FBXO3: variants seen among roughly 807,000 people sequenced by gnomAD.
FBXO3 encodes F-box protein 3.
In FBXO3, 17 loss-of-function variants were observed where a neutral mutation model predicts 64.8. The ratio of observed to expected loss-of-function variants is 0.26; its 90% CI spans 0.18 to 0.39. The LOEUF is 0.39. FBXO3 is among the 10% of genes least tolerant of loss of function. The probability of loss-of-function intolerance (pLI) is 1.00; values close to 1 mark genes in which losing one functional copy is unlikely to be tolerated. For synonymous variants in FBXO3, 182 were observed against 201.6 expected, an observed-to-expected ratio of 0.90 and a Z score of 0.82; for missense variants, 420 against 589.9, an observed-to-expected ratio of 0.71 and a Z score of 2.98.
intron 6 of FBXO3, 53 bp downstream of exon 6, chr11:33,754,402 T>A (rs1855038220): frequency 6.9e-7 from 1 of 1,454,258 alleles, no homozygotes; most frequent in Non-Finnish European, 9.3e-7. Context: ...TTAATTTTTT[T>A]ATTATATCCA....
At chr11:33,749,024 T>C (rs2133596470) in intron 8 of FBXO3, 132 bp from the exon 9 acceptor site, 2 of 491,900 alleles carry the variant, frequency 4.1e-6, no homozygotes, top group Non-Finnish European at 7.3e-6. Context: ...CCAAAGTCCA[T>C]GTTAGCCATC....
At chr11:33,746,672 A>T in intron 10 of FBXO3, 3 of 1,194,448 alleles carry the variant, frequency 2.5e-6, no homozygotes, top group Non-Finnish European at 3.6e-6. Context: ...ACGAGATTTT[A>T]AAAAATATAC....
At chr11:33,758,741 G>T in intron 3 of FBXO3, 140 bp from the exon 4 acceptor site, 1 of 527,084 alleles carries the variant, frequency 1.9e-6, no homozygotes, top group Non-Finnish European at 3.1e-6. Context: ...AGAAGGAAAT[G>T]AATTGAAAAC....
chr11:33,748,668 A>T, intron 9 of FBXO3, 109 bp downstream of exon 9: 1 of 588,586 alleles, frequency 1.7e-6, no homozygotes, highest in Non-Finnish European at 2.9e-6. Flanking sequence ...TTAAGGGATT[A>T]AATTAATAGG....
At chr11:33,769,341 A>T (rs974476044) in intron 2 of FBXO3, among the ~76,000 whole-genome samples, 14 of 152,158 alleles carry the variant, frequency 9.2e-5, no homozygotes, top group Admixed American at 6.5e-5. Flanking sequence ...ATAAACTTTT[A>T]AAGGCATTAT....
At position 33,741,889 on chromosome 11, in the gene FBXO3, T is replaced by C. The variant is rs747833106; in HGVS notation, c.*19A>G. The stretch of plus-strand genomic sequence containing the variant: ...AACAGCCTAGAATCATCCTAGTGCT[T>C]CCATCAGCAGAAGGCTTGCTAAAAA... On this transcript the variant is annotated 3_prime_UTR_variant, in exon 11 of 11. Transcript: ENST00000265651. The C allele has an allele frequency of 5.0e-6, 8 of 1,604,836 alleles. No individual in the cohort carries two copies.
At chr11:33,755,742 T>C (rs375650132) in intron 5 of FBXO3, 29 bp downstream of exon 5, 1 of 1,529,882 alleles carries the variant, frequency 6.5e-7, no homozygotes, top group Non-Finnish European at 9.1e-7. Context: ...CACATCTTAA[T>C]GCCATATTTA....
intron 1 of FBXO3, 137 bp downstream of exon 1, chr11:33,774,257 G>A: frequency 2.7e-6 from 2 of 729,844 alleles, no homozygotes; most frequent in South Asian, 3.7e-5. Context: ...TGGCTCCGCA[G>A]GATGAGGGCG....
intron 3 of FBXO3, among the ~76,000 whole-genome samples, chr11:33,759,364 A>G (rs923283849): frequency 6.6e-6 from 1 of 152,210 alleles, no homozygotes; most frequent in Non-Finnish European, 1.5e-5. Flanking sequence ...CAAGAAGCTG[A>G]GCAAAGCTTT....
At chr11:33,764,556 A>G (rs1382744006) in intron 3 of FBXO3, among the ~76,000 whole-genome samples, 1 of 144,420 alleles carries the variant, frequency 6.9e-6, no homozygotes, top group African/African-American at 2.5e-5. Flanking sequence ...TTATCTTTCT[A>G]AAAAAAAAAC....
At chr11:33,747,387 A>G in intron 9 of FBXO3, 67 bp from the exon 10 acceptor site, 1 of 1,240,430 alleles carries the variant, frequency 8.1e-7, no homozygotes, top group Non-Finnish European at 1.2e-6. Flanking sequence ...TAAATAAGGT[A>G]TGGTCTCCAT....
At chr11:33,750,183 A>C (rs1312466240) in intron 8 of FBXO3, among the ~76,000 whole-genome samples, 1 of 152,180 alleles carries the variant, frequency 6.6e-6, no homozygotes, top group African/African-American at 2.4e-5. Context: ...ATTGAATATA[A>C]ATAGGCCAGA....
intron 4 of FBXO3, 26 bp from the exon 5 acceptor site, chr11:33,756,001 G>T (rs1002437113): frequency 6.3e-7 from 1 of 1,588,014 alleles, no homozygotes; most frequent in South Asian, 1.1e-5. Context: ...ACTCAAACAT[G>T]TAATACACGG....
intron 6 of FBXO3, 65 bp downstream of exon 6, chr11:33,754,390 T>C (rs554048494): frequency 1.9e-5 from 27 of 1,403,734 alleles, no homozygotes; most frequent in Non-Finnish European, 2.5e-5. Context: ...GTTTTTACCA[T>C]TTTAATTTTT....
intron 4 of FBXO3, among the ~76,000 whole-genome samples, 177 bp downstream of exon 4, chr11:33,758,309 AT>A (rs1855158231): frequency 1.3e-5 from 2 of 152,328 alleles, no homozygotes; most frequent in East Asian, 3.9e-4. Flanking sequence ...AGATATATTT[AT>A]TTTGGTAAAA....
At position 33,743,745 on chromosome 11, in the gene FBXO3, C is replaced by T. The variant is rs1050727906; in HGVS notation, c.1240-1661G>A. ...CCACATATCCACCTAATTCCCTCTG[C>T]TCCTTTCACGTTTCAGCTTAAATGT... On this transcript the variant is annotated intron_variant, in intron 10 of 10. Coordinates refer to ENST00000265651, the MANE Select transcript of FBXO3 (RefSeq NM_012175.4). The surrounding 1 kb of genome is among the most constrained non-coding windows in gnomAD (Gnocchi z 4.6). 6.6e-6 allele frequency: 1 copy of T among 152,322 alleles called. No homozygotes were observed. Among genetic ancestry groups the T allele is most frequent in the African/African-American group, 2.4e-5 (1 of 41,458 alleles). 9.4% of individuals were successfully genotyped at this position (152,322 alleles called of 1,614,324 possible).
At chr11:33,762,886 A>C (rs1855277557) in intron 3 of FBXO3, among the ~76,000 whole-genome samples, 1 of 152,152 alleles carries the variant, frequency 6.6e-6, no homozygotes, top group African/African-American at 2.4e-5. Flanking sequence ...TTGATGAAGA[A>C]AAACAGCAAA....
intron 7 of FBXO3, 117 bp downstream of exon 7, chr11:33,751,406 C>T (rs2133599417): frequency 1.5e-6 from 1 of 651,222 alleles, no homozygotes; most frequent in South Asian, 1.8e-5. Flanking sequence ...TATTATCAAC[C>T]TCAATAGAGA....
chr11:33,758,314 G>T (rs966394547), intron 4 of FBXO3, among the ~76,000 whole-genome samples, 173 bp downstream of exon 4: 2 of 151,966 alleles, frequency 1.3e-5, no homozygotes, highest in Non-Finnish European at 2.9e-5. Context: ...TATTTATTTT[G>T]GTAAAATCTA....
Sources: gnomAD v4.1 joint callset for allele counts (sites outside exome capture counted in the v4.1 genomes callset) on GRCh38, gnomAD v4.1.1 for gene constraint, Gnocchi (gnomAD v3.1) non-coding constraint, MANE v1.5 for transcripts, NCBI Gene and HGNC (gene_info 2026-07-23, HGNC 2026-07-21) for gene names.